Variants in PIK3R1 observed in about 807,000 individuals in gnomAD.
PIK3R1 encodes the protein phosphatidylinositol 3-kinase regulatory subunit alpha.
PIK3R1 carries 29 observed loss-of-function variants against 98.0 expected under a neutral mutation model. That is an observed-to-expected ratio of 0.30 (90% CI 0.22 to 0.40). The LOEUF (loss-of-function observed/expected upper bound fraction) is 0.40, where lower values mean the gene tolerates loss of function less well. PIK3R1 is among the 10% of genes least tolerant of loss of function. The pLI, the probability that PIK3R1 is intolerant of heterozygous loss-of-function variation, is 1.00. For synonymous variants in PIK3R1, 282 were observed against 311.8 expected (o/e 0.90, Z 1.01); for missense variants, 596 against 872.7 (o/e 0.68, Z 3.99).
chr5:68,276,580 A>G (rs1214642855), intron 4 of PIK3R1, among the ~76,000 whole-genome samples: 1 of 152,204 alleles, frequency 6.6e-6, no homozygotes, highest in Non-Finnish European at 1.5e-5. Context: ...TAGCTCTTCA[A>G]AAGTCATCGC....
At chr5:68,296,066 T>G in intron 14 of PIK3R1, 105 bp from the exon 15 acceptor site, 20 of 1,085,142 alleles carry the variant, frequency 1.8e-5, no homozygotes, top group Admixed American at 9.1e-5. Context: ...ACTGGCTTGG[T>G]AGGGGCCAGG....
rs1226203619 is a variant in PIK3R1 at position 68,277,348 on chromosome 5, G to A, written c.503-2254G>A. Among the ~76,000 whole-genome samples the A allele has an allele frequency of 1.3e-5, 2 of 152,164 alleles. 1 individual carries two copies. Among genetic ancestry groups the A allele is most frequent in the Admixed American group, 1.3e-4 (2 of 15,284 alleles). The stretch of plus-strand genomic sequence containing the variant: ...GCAGAGGATCTACTACAGTGGTATT[G>A]CCCCTCCCACACTTGTTAAACATGT... On this transcript the variant is annotated intron_variant, in intron 4 of 15. Transcript: ENST00000521381.
chr5:68,295,583 A>G, intron 14 of PIK3R1, 95 bp downstream of exon 14: 1 of 1,041,706 alleles, frequency 9.6e-7, no homozygotes, highest in Non-Finnish European at 1.5e-6. Context: ...GAGGAATTTT[A>G]CTGAGTTTGG....
At chr5:68,295,819 C>T (rs1747681622) in intron 14 of PIK3R1, 1 of 455,194 alleles carries the variant, frequency 2.2e-6, no homozygotes. Context: ...TAAGTATATA[C>T]TTTGTTTGAA....
chr5:68,244,887 A>T (rs1347192798), intron 2 of PIK3R1, among the ~76,000 whole-genome samples: 2 of 152,220 alleles, frequency 1.3e-5, no homozygotes, highest in Non-Finnish European at 2.9e-5. Flanking sequence ...ACAATTTCTA[A>T]GAAATCCAAA....
intron 2 of PIK3R1, among the ~76,000 whole-genome samples, chr5:68,242,393 G>A (rs1288882468): frequency 1.3e-5 from 2 of 152,212 alleles, no homozygotes; most frequent in African/African-American, 4.8e-5. Flanking sequence ...GAAGCCAAAA[G>A]AAAAGTCCTA....
At position 68,238,801 on chromosome 5, in the gene PIK3R1, A is replaced by G. The variant is rs956252326; in HGVS notation, c.334+11792A>G. ...AACAACATCATTATAAGAAGTTTTC[A>G]TGCACGTGTGCAGATTTGAAAGTGT... On this transcript the variant is annotated intron_variant, in intron 2 of 15. Coordinates refer to ENST00000521381, the MANE Select transcript of PIK3R1 (RefSeq NM_181523.3). Among the ~76,000 whole-genome samples the G allele has an allele frequency of 1.1e-4, 17 of 152,320 alleles. No individual in the cohort carries two copies. The East Asian group carries it at 3.1e-3, about 28-fold the overall frequency.
At chr5:68,270,119 A>G (rs1426172821) in intron 2 of PIK3R1, among the ~76,000 whole-genome samples, 7 of 152,032 alleles carry the variant, frequency 4.6e-5, no homozygotes, top group Admixed American at 2.6e-4. Flanking sequence ...CAGTGTTCTC[A>G]CAGATCCTGA....
intron 7 of PIK3R1, among the ~76,000 whole-genome samples, chr5:68,290,197 G>A (rs1747312044): frequency 6.6e-6 from 1 of 152,174 alleles, no homozygotes; most frequent in South Asian, 2.1e-4. Context: ...GGAGTAGTCC[G>A]TACTGCTTCT....
At chr5:68,223,360 G>C (rs72757649) in intron 1 of PIK3R1, among the ~76,000 whole-genome samples, 3,983 of 151,696 alleles carry the variant, frequency 0.026, 70 homozygotes, top group East Asian at 0.035. Flanking sequence ...CCAATGACTT[G>C]ACTGCTCTCC....
At chr5:68,282,488 G>A (rs939782989) in intron 7 of PIK3R1, among the ~76,000 whole-genome samples, 1 of 152,104 alleles carries the variant, frequency 6.6e-6, no homozygotes, top group African/African-American at 2.4e-5. Flanking sequence ...AGCCAGACAG[G>A]GTTTGACAGA....
intron 8 of PIK3R1, 57 bp downstream of exon 8, chr5:68,292,418 C>G: frequency 1.3e-6 from 2 of 1,495,912 alleles, no homozygotes. Flanking sequence ...AAGAAAAGCA[C>G]CAGCTTGCTA....
At chr5:68,253,820 C>A (rs1032205097) in intron 2 of PIK3R1, among the ~76,000 whole-genome samples, 1 of 152,112 alleles carries the variant, frequency 6.6e-6, no homozygotes, top group Non-Finnish European at 1.5e-5. Flanking sequence ...ATGCATGCTT[C>A]ATACATCCTT....
At chr5:68,285,746 C>G (rs763343424) in intron 7 of PIK3R1, among the ~76,000 whole-genome samples, 6 of 152,130 alleles carry the variant, frequency 3.9e-5, no homozygotes, top group Middle Eastern at 3.2e-3. Flanking sequence ...TATCAGAAAC[C>G]TGGTAGAATG....
At chr5:68,216,994 G>A (rs187436499) in intron 1 of PIK3R1, among the ~76,000 whole-genome samples, 5 of 152,292 alleles carry the variant, frequency 3.3e-5, no homozygotes, top group Admixed American at 2.6e-4. Context: ...TATCGGAAAG[G>A]TCTCACTTCC....
At chr5:68,232,344 G>A (rs373333858) in intron 2 of PIK3R1, among the ~76,000 whole-genome samples, 38 of 152,260 alleles carry the variant, frequency 2.5e-4, no homozygotes, top group African/African-American at 9.1e-4. Context: ...TTGTGTATCC[G>A]TGGTTTTTTG....
chr5:68,296,982 C>CCTCAAGGACTCTGG (rs1747754156), intron 15 of PIK3R1, among the ~76,000 whole-genome samples: 1 of 152,104 alleles, frequency 6.6e-6, no homozygotes, highest in Non-Finnish European at 1.5e-5. Context: ...TGTGCAGACA[C>CCTCAAGGACTCTGG]CTCAAGGACA....
chr5:68,286,057 A>T (rs1228074139), intron 7 of PIK3R1, among the ~76,000 whole-genome samples: 1 of 152,200 alleles, frequency 6.6e-6, no homozygotes, highest in Non-Finnish European at 1.5e-5. Flanking sequence ...AACATTTGCC[A>T]CTTGATGGTG....
intron 2 of PIK3R1, among the ~76,000 whole-genome samples, chr5:68,261,566 G>A (rs1373044857): frequency 6.6e-6 from 1 of 151,976 alleles, no homozygotes; most frequent in Non-Finnish European, 1.5e-5. Flanking sequence ...TTTTCCAGTA[G>A]GTTACATTAA....
Sources: gnomAD v4.1 joint callset for allele counts (sites outside exome capture counted in the v4.1 genomes callset) on GRCh38, gnomAD v4.1.1 for gene constraint, MANE v1.5 for transcripts, NCBI Gene and HGNC (gene_info 2026-07-23, HGNC 2026-07-21) for gene names.